Variants in RLIG1 observed in about 807,000 individuals in gnomAD.
RLIG1 encodes the protein RNA ligase 1.
the RLIG1 span, among the ~76,000 whole-genome samples, chr12:88,046,560 A>AG: frequency 0.88 from 134,021 of 152,088 alleles, 59,930 homozygotes; most frequent in East Asian, 0.99. Context: ...TTACAAAAAA[A>AG]GTATCTGTCC....
chr12:88,046,563 A>G, the RLIG1 span, among the ~76,000 whole-genome samples: 10 of 147,666 alleles, frequency 6.8e-5, no homozygotes, highest in African/African-American at 2.5e-4. Flanking sequence ...CAAAAAAAGT[A>G]TCTGTCCAGA....
At chr12:88,042,723 T>G in the RLIG1 span, 3 of 652,738 alleles carry the variant, frequency 4.6e-6, no homozygotes, top group Non-Finnish European at 7.2e-6. Flanking sequence ...TTGTCTTCTT[T>G]GAGAAATTAG....
the RLIG1 span, chr12:88,046,969 T>TAATA: frequency 3.7e-6 from 6 of 1,605,148 alleles, no homozygotes; most frequent in Non-Finnish European, 5.1e-6. Context: ...GATGGCTGTT[T>TAATA]AATAAAGGTA....
chr12:88,042,671 G>T, the RLIG1 span: 1 of 434,184 alleles, frequency 2.3e-6, no homozygotes. Context: ...ATAGCATCAG[G>T]TACTGCTAGG....
the RLIG1 span, chr12:88,044,167 G>A: frequency 3.0e-5 from 5 of 165,916 alleles, no homozygotes; most frequent in African/African-American, 1.2e-4. Flanking sequence ...TCAGCTACTC[G>A]GGAGACTAAT....
chr12:88,038,105 AAAAC>A, the RLIG1 span, among the ~76,000 whole-genome samples: 2 of 152,192 alleles, frequency 1.3e-5, no homozygotes, highest in South Asian at 2.1e-4. Flanking sequence ...AAACATGAAA[AAAAC>A]AAAATCAACT....
At chr12:88,042,515 G>A in the RLIG1 span, 1 of 184,690 alleles carries the variant, frequency 5.4e-6, no homozygotes, top group Non-Finnish European at 1.1e-5. Flanking sequence ...ATCTGGTTAT[G>A]TTTCCATTTT....
the RLIG1 span, chr12:88,049,162 A>G: frequency 7.1e-7 from 1 of 1,399,712 alleles, no homozygotes; most frequent in African/African-American, 2.1e-5. Context: ...TAGTTAAATG[A>G]AACAAAGTTT....
At chr12:88,048,296 A>C in the RLIG1 span, 1 of 1,601,766 alleles carries the variant, frequency 6.2e-7, no homozygotes, top group Non-Finnish European at 8.5e-7. Context: ...ATTCAAGACC[A>C]GTTATTATCA....
the RLIG1 span, chr12:88,048,268 T>C: frequency 1.9e-6 from 3 of 1,594,734 alleles, no homozygotes; most frequent in South Asian, 1.2e-5. Flanking sequence ...TGCTGGCCAA[T>C]TCCAGATACT....
chr12:88,048,624 A>ATAAG, the RLIG1 span: 7 of 379,124 alleles, frequency 1.8e-5, no homozygotes, highest in Non-Finnish European at 3.2e-5. Context: ...CCATAAAAAC[A>ATAAG]TAAGTAATAG....
At chr12:88,044,634 T>G in the RLIG1 span, 1 of 152,160 alleles carries the variant, frequency 6.6e-6, no homozygotes, top group Non-Finnish European at 1.5e-5. Context: ...GAGGAATTCC[T>G]CATTCAGCTT....
the RLIG1 span, chr12:88,046,873 T>C: frequency 6.2e-7 from 1 of 1,613,190 alleles, no homozygotes; most frequent in Non-Finnish European, 8.5e-7. Context: ...ATAAGAAATC[T>C]ACCTTCATTG....
At chr12:88,036,153 G>C in the RLIG1 span, 1 of 1,191,684 alleles carries the variant, frequency 8.4e-7, no homozygotes, top group Non-Finnish European at 1.1e-6. Context: ...TGCTTTACCT[G>C]TTCTGTCCGA....
chr12:88,040,945 T>C, the RLIG1 span, among the ~76,000 whole-genome samples: 2 of 152,142 alleles, frequency 1.3e-5, no homozygotes, highest in African/African-American at 4.8e-5. Context: ...GTAAAATAAC[T>C]GGGCTAAAGC....
chr12:88,050,127 T>C, the RLIG1 span: 33 of 361,886 alleles, frequency 9.1e-5, no homozygotes, highest in African/African-American at 6.4e-4. Context: ...ATATATTTGT[T>C]ACAATTAAAA....
chr12:88,045,700 A>C, the RLIG1 span: 1 of 1,613,288 alleles, frequency 6.2e-7, no homozygotes, highest in Non-Finnish European at 8.5e-7. Context: ...GACTTTTGGA[A>C]ATTAGTGCAG....
At chr12:88,046,791 A>C in the RLIG1 span, 1 of 1,586,698 alleles carries the variant, frequency 6.3e-7, no homozygotes, top group Non-Finnish European at 8.6e-7. Flanking sequence ...GGCTAATGGC[A>C]AATTTTCCCA....
chr12:88,049,157 A>G, the RLIG1 span: 1 of 1,365,800 alleles, frequency 7.3e-7, no homozygotes, highest in Non-Finnish European at 1.0e-6. Flanking sequence ...ATAAATAGTT[A>G]AATGAAACAA....
Sources: allele counts gnomAD v4.1 joint callset (sites outside exome capture counted in the v4.1 genomes callset), GRCh38; gene constraint gnomAD v4.1.1; transcripts MANE v1.5; gene names NCBI Gene and HGNC (gene_info 2026-07-23, HGNC 2026-07-21).